Variants in EYS observed in about 807,000 individuals in gnomAD.
The protein encoded by EYS is protein eyes shut homolog.
Under a neutral mutation model 282.1 loss-of-function variants are expected in EYS, and 250 were observed. The ratio of observed to expected loss-of-function variants is 0.89; its 90% CI spans 0.80 to 0.98. The LOEUF (loss-of-function observed/expected upper bound fraction) is 0.98. Ranked by LOEUF, EYS falls within the 50% of genes least tolerant of loss-of-function variation. EYS has a pLI of 0.00. For synonymous variants in EYS, 1,355 were observed against 1,282.9 expected (o/e 1.06, Z -1.20); for missense variants, 4,016 against 3,709.0 (o/e 1.08, Z -2.15).
intron 26 of EYS, among the ~76,000 whole-genome samples, chr6:64,452,015 C>G (rs1179656653): frequency 6.6e-6 from 1 of 152,112 alleles, no homozygotes; most frequent in African/African-American, 2.4e-5. Flanking sequence ...CCAGGGCAAT[C>G]AGGCAGGAGA....
intron 12 of EYS, among the ~76,000 whole-genome samples, chr6:65,203,276 G>C (rs1314978573): frequency 6.6e-6 from 1 of 152,100 alleles, no homozygotes. Flanking sequence ...TGCTGGTAGG[G>C]TGAGCTGCAC....
At chr6:64,800,670 TA>T (rs982811683) in intron 22 of EYS, among the ~76,000 whole-genome samples, 163 of 151,964 alleles carry the variant, frequency 1.1e-3, no homozygotes, top group African/African-American at 3.8e-3. Flanking sequence ...TCCTATAAAT[TA>T]AAACATTAAC....
intron 35 of EYS, among the ~76,000 whole-genome samples, chr6:63,912,712 G>A (rs993108470): frequency 6.6e-6 from 1 of 152,076 alleles, no homozygotes; most frequent in Middle Eastern, 3.2e-3. Context: ...CCATCCCCTG[G>A]GTGCTGTTCT....
chr6:63,737,017 A>G (rs1445296910), intron 41 of EYS, among the ~76,000 whole-genome samples: 3 of 151,938 alleles, frequency 2.0e-5, no homozygotes, highest in Admixed American at 6.6e-5. Flanking sequence ...TAGATATACA[A>G]TCATGTCATC....
chr6:63,967,203 G>T (rs1766350300), intron 35 of EYS, among the ~76,000 whole-genome samples: 1 of 152,092 alleles, frequency 6.6e-6, no homozygotes, highest in Non-Finnish European at 1.5e-5. Context: ...CTACACTAAG[G>T]GATAATTCAT....
intron 2 of EYS, among the ~76,000 whole-genome samples, chr6:65,632,330 C>T (rs984071766): frequency 1.3e-5 from 2 of 152,072 alleles, no homozygotes; most frequent in Non-Finnish European, 2.9e-5. Flanking sequence ...CAAGTTAATG[C>T]ATTTTGGAAG....
At chr6:65,199,668 T>G (rs751489673) in intron 12 of EYS, among the ~76,000 whole-genome samples, 1 of 152,136 alleles carries the variant, frequency 6.6e-6, no homozygotes, top group Non-Finnish European at 1.5e-5. Context: ...TTAAATTGAC[T>G]TAAAAATACT....
rs147137728 is a variant in EYS at position 65,337,465 on chromosome 6, G to A, written c.1600-2319C>T. On this transcript the variant is annotated intron_variant, in intron 10 of 42. Transcript: ENST00000503581. ...TGGCTTACAAATTTAATAAACACTC[G>A]TATAAGAAGCAACAAATTCTAGCAT... is the stretch of plus-strand genomic sequence containing the variant. Among the ~76,000 whole-genome samples the A allele has an allele frequency of 3.2e-3, 481 of 151,124 alleles. 13 individuals are homozygous for A. The East Asian group carries it at 0.056, about 18-fold the overall frequency.
At chr6:65,125,323 A>G (rs1213083706) in intron 12 of EYS, among the ~76,000 whole-genome samples, 2 of 152,180 alleles carry the variant, frequency 1.3e-5, no homozygotes, top group Non-Finnish European at 2.9e-5. Context: ...TAGAGTCTCA[A>G]TGAAACCAGT....
intron 22 of EYS, among the ~76,000 whole-genome samples, chr6:64,698,253 C>T (rs575778164): frequency 3.3e-5 from 5 of 152,098 alleles, no homozygotes; most frequent in African/African-American, 9.6e-5. Flanking sequence ...AATTAACAAC[C>T]TGCCATTACC....
At chr6:65,260,129 G>A (rs1419479458) in intron 12 of EYS, among the ~76,000 whole-genome samples, 1 of 151,988 alleles carries the variant, frequency 6.6e-6, no homozygotes, top group Non-Finnish European at 1.5e-5. Context: ...TTCTTCTCAA[G>A]GCAGCCAAAA....
rs926156369 is a variant in EYS at position 64,590,400 on chromosome 6, A to C, written c.5467T>G (p.Tyr1823Asp). The change falls in exon 26 of 43, where the codon TAT becomes GAT. Residue 1823 changes from tyrosine to aspartate, a missense_variant. Physicochemically the swap from Tyr to Asp is radical, Grantham distance 160. Coordinates refer to ENST00000503581, the MANE Select transcript of EYS (RefSeq NM_001142800.2). ...IRPDWPYFTD[Y>D]MTSLKKEVKT... ...ACCTCTTTTTTAAGAGAGGTCATAT[A>C]ATCTGTAAAATATGGCCAATCTGGC... is the stretch of plus-strand genomic sequence containing the variant. The C allele has an allele frequency of 4.5e-6, 7 of 1,551,374 alleles. No homozygotes were observed. Among genetic ancestry groups the C allele is most frequent in the Non-Finnish European group, 6.1e-6 (7 of 1,146,778 alleles).
chr6:64,522,670 A>G (rs894969362), intron 26 of EYS, among the ~76,000 whole-genome samples: 1 of 151,764 alleles, frequency 6.6e-6, no homozygotes, highest in African/African-American at 2.4e-5. Flanking sequence ...GCTCTCATCT[A>G]CATTATGTAG....
At chr6:63,905,379 G>A (rs533313263) in intron 35 of EYS, among the ~76,000 whole-genome samples, 25 of 146,662 alleles carry the variant, frequency 1.7e-4, no homozygotes, top group Admixed American at 4.9e-4. Context: ...ACCCAGGCTG[G>A]AGTGCGGTGG....
intron 37 of EYS, among the ~76,000 whole-genome samples, chr6:63,796,452 C>T (rs766675208): frequency 5.3e-5 from 8 of 152,122 alleles, no homozygotes; most frequent in Non-Finnish European, 8.8e-5. Context: ...ATCATAGAAA[C>T]ATGGTAATCC....
At chr6:63,921,310 C>T (rs182628909) in intron 35 of EYS, among the ~76,000 whole-genome samples, 10 of 152,366 alleles carry the variant, frequency 6.6e-5, no homozygotes, top group Admixed American at 2.0e-4. Flanking sequence ...AGAGTTAAGC[C>T]ATGAAACCCT....
At chr6:65,631,475 G>GAAAAAAAA (rs5876981) in intron 2 of EYS, among the ~76,000 whole-genome samples, 1 of 143,284 alleles carries the variant, frequency 7.0e-6, no homozygotes. Context: ...AACATGAATG[G>GAAAAAAAA]AAAAAAAAAA....
chr6:64,626,632 C>G (rs943624123), intron 22 of EYS, among the ~76,000 whole-genome samples: 2 of 151,998 alleles, frequency 1.3e-5, no homozygotes, highest in Non-Finnish European at 2.9e-5. Context: ...AGCCCTAAGT[C>G]AAGGAACACC....
Position 65,579,523 on chromosome 6 carries a change from T to C in EYS, c.-333+60255A>G, listed in dbSNP as rs1371873789. ...TACATTTTCTCACAGTTCTGGAAGC[T>C]GAAACTTTGAGATCAGGGTGCCAGC... is the stretch of plus-strand genomic sequence containing the variant. On this transcript the variant is annotated intron_variant, in intron 2 of 42. Coordinates refer to ENST00000503581, the MANE Select transcript of EYS (RefSeq NM_001142800.2). Among the ~76,000 whole-genome samples, 3 of 152,230 alleles carry C rather than the reference T, an allele frequency of 2.0e-5. No homozygotes were observed. The East Asian group carries it at 5.8e-4, about 30-fold the overall frequency.
Sources: allele counts gnomAD v4.1 joint callset (sites outside exome capture counted in the v4.1 genomes callset), GRCh38; gene constraint gnomAD v4.1.1; transcripts MANE v1.5; gene names NCBI Gene and HGNC (gene_info 2026-07-23, HGNC 2026-07-21).